The following BICD1 variants were observed in gnomAD, a reference collection of about 807,000 sequenced individuals.
BICD1 encodes BICD cargo adaptor 1.
BICD1 carries 35 observed loss-of-function variants against 92.5 expected under a neutral mutation model. That is an observed-to-expected ratio of 0.38 (90% CI 0.29 to 0.50). The LOEUF is 0.50. BICD1 is among the 20% of genes least tolerant of loss of function. BICD1 has a pLI of 0.93. For synonymous variants in BICD1, 429 were observed against 465.1 expected (o/e 0.92, Z 1.00); for missense variants, 950 against 1,189.8 (o/e 0.80, Z 2.97).
chr12:32,116,488 CTCTT>C lies in BICD1; in HGVS notation c.213+8948_213+8951del, dbSNP rs770495207. Among the ~76,000 whole-genome samples, 312 of 125,792 alleles carry C rather than the reference CTCTT, an allele frequency of 2.5e-3. 2 individuals are homozygous for C. Among genetic ancestry groups the C allele is most frequent in the African/African-American group, 5.2e-3 (167 of 32,174 alleles). 82.5% of individuals were successfully genotyped at this position (125,792 alleles called of 152,430 possible). On this transcript the variant is annotated intron_variant, in intron 1 of 9. Coordinates refer to ENST00000652176, the MANE Select transcript of BICD1 (RefSeq NM_001714.4). ...TCTCTCTCTCTCTCTCTCTCTCTCT[CTCTT>C]TCTCTCTCTCTCTCTCTCTATATAT...
chr12:32,338,019 C>A, intron 7 of BICD1: 1 of 546,636 alleles, frequency 1.8e-6, no homozygotes, highest in East Asian at 3.0e-5. Context: ...TTTCTAACCC[C>A]CTGCCCAATC....
At chr12:32,150,707 TGCAG>T (rs1444528869) in intron 1 of BICD1, among the ~76,000 whole-genome samples, 9 of 152,124 alleles carry the variant, frequency 5.9e-5, no homozygotes, top group Non-Finnish European at 1.2e-4. Context: ...AGTTATGCAG[TGCAG>T]ACCTGCACAA....
intron 1 of BICD1, among the ~76,000 whole-genome samples, chr12:32,122,045 G>C (rs1942173209): frequency 6.6e-6 from 1 of 151,988 alleles, no homozygotes; most frequent in Non-Finnish European, 1.5e-5. Context: ...CAAACTGTTG[G>C]ACTCAAGACA....
chr12:32,375,037 G>A (rs1341605902), intron 9 of BICD1, among the ~76,000 whole-genome samples: 2 of 142,892 alleles, frequency 1.4e-5, no homozygotes, highest in African/African-American at 5.2e-5. Context: ...TCCTACCTCA[G>A]CCTCCGGAGT....
chr12:32,189,226 C>T (rs984922515), intron 1 of BICD1, among the ~76,000 whole-genome samples: 4 of 152,120 alleles, frequency 2.6e-5, no homozygotes, highest in Non-Finnish European at 4.4e-5. Context: ...GAGGAATAAC[C>T]CTGAGAAATA....
intron 8 of BICD1, among the ~76,000 whole-genome samples, chr12:32,347,897 G>C (rs1938690726): frequency 6.6e-6 from 1 of 152,138 alleles, no homozygotes; most frequent in Admixed American, 6.6e-5. Flanking sequence ...TTAAATAGCA[G>C]AATTTATTGA....
intron 1 of BICD1, among the ~76,000 whole-genome samples, chr12:32,168,004 T>C (rs546097391): frequency 7.3e-4 from 69 of 93,888 alleles, no homozygotes; most frequent in African/African-American, 2.2e-3. Flanking sequence ...TAAAAGGAGA[T>C]GGCGTGTGTG....
chr12:32,164,778 T>C (rs1943705756), intron 1 of BICD1, among the ~76,000 whole-genome samples: 1 of 152,130 alleles, frequency 6.6e-6, no homozygotes, highest in South Asian at 2.1e-4. Flanking sequence ...CAAAAGTGAA[T>C]CCACTAACAC....
intron 1 of BICD1, among the ~76,000 whole-genome samples, chr12:32,145,528 A>T (rs1196054567): frequency 6.6e-6 from 1 of 152,254 alleles, no homozygotes; most frequent in Non-Finnish European, 1.5e-5. Flanking sequence ...GGAAGGAAGG[A>T]GGAGACACTA....
At chr12:32,183,708 T>C (rs1012617360) in intron 1 of BICD1, among the ~76,000 whole-genome samples, 1 of 152,224 alleles carries the variant, frequency 6.6e-6, no homozygotes, top group African/African-American at 2.4e-5. Flanking sequence ...AACCTGAGGA[T>C]GACCCTGTAG....
rs77418596 is a variant in BICD1 at position 32,267,017 on chromosome 12, G to A, written c.427-26977G>A. Among the ~76,000 whole-genome samples, 8 of 152,316 alleles carry A rather than the reference G, an allele frequency of 5.3e-5. No individual in the cohort carries two copies. In the East Asian group the frequency reaches 1.5e-3, roughly 29 times the overall value. On this transcript the variant is annotated intron_variant, in intron 2 of 9. Coordinates refer to ENST00000652176, the MANE Select transcript of BICD1 (RefSeq NM_001714.4). Reference sequence around the variant, plus strand: ...GTTATGTACTGACAGTCCCCATTACGCTCATGGTTCCATGGTGCCAGCACA... The same window carrying A: ...GTTATGTACTGACAGTCCCCATTACACTCATGGTTCCATGGTGCCAGCACA...
chr12:32,269,634 A>C (rs1947085235), intron 2 of BICD1, among the ~76,000 whole-genome samples: 1 of 152,212 alleles, frequency 6.6e-6, no homozygotes, highest in Admixed American at 6.5e-5. Context: ...TTATAGATGA[A>C]ATTTTAAGTT....
intron 2 of BICD1, among the ~76,000 whole-genome samples, chr12:32,260,246 G>C (rs1222939858): frequency 6.6e-6 from 1 of 152,034 alleles, no homozygotes; most frequent in Non-Finnish European, 1.5e-5. Context: ...CTTTTGTTTT[G>C]TTGAACTGGT....
intron 1 of BICD1, among the ~76,000 whole-genome samples, chr12:32,212,809 C>G (rs1350025994): frequency 6.6e-6 from 1 of 152,196 alleles, no homozygotes; most frequent in Admixed American, 6.5e-5. Flanking sequence ...ATAGTATCTC[C>G]TTGGTGTTCA....
At chr12:32,230,287 C>T (rs1945838768) in intron 2 of BICD1, among the ~76,000 whole-genome samples, 1 of 151,966 alleles carries the variant, frequency 6.6e-6, no homozygotes, top group Non-Finnish European at 1.5e-5. Flanking sequence ...GTAATCCTAG[C>T]ACCTTAGGAG....
intron 1 of BICD1, among the ~76,000 whole-genome samples, chr12:32,195,623 A>G (rs1208960480): frequency 6.6e-6 from 1 of 152,232 alleles, no homozygotes; most frequent in African/African-American, 2.4e-5. Flanking sequence ...ATATACAACA[A>G]TTCAAGTGAA....
chr12:32,344,398 G>A (rs543711282), intron 8 of BICD1, among the ~76,000 whole-genome samples: 3 of 107,598 alleles, frequency 2.8e-5, no homozygotes, highest in African/African-American at 1.3e-4. Flanking sequence ...AGGTTAGTGA[G>A]AGCAGACTTA....
chr12:32,326,691 C>G (rs1322245869), intron 4 of BICD1, among the ~76,000 whole-genome samples: 1 of 152,150 alleles, frequency 6.6e-6, no homozygotes, highest in East Asian at 1.9e-4. Context: ...TCAACACCAG[C>G]CTGGACAACA....
chr12:32,326,752 G>A (rs530939356), intron 4 of BICD1, among the ~76,000 whole-genome samples: 3 of 152,162 alleles, frequency 2.0e-5, no homozygotes, highest in Non-Finnish European at 2.9e-5. Context: ...GTGTGGTGGT[G>A]CATACCTGTA....
Sources: allele counts gnomAD v4.1 joint callset (sites outside exome capture counted in the v4.1 genomes callset), GRCh38; gene constraint gnomAD v4.1.1; transcripts MANE v1.5; gene names NCBI Gene and HGNC (gene_info 2026-07-23, HGNC 2026-07-21).